USP40: variants seen among roughly 807,000 people sequenced by gnomAD.
The protein encoded by USP40 is ubiquitin specific peptidase 40.
Under a neutral mutation model 166.2 loss-of-function variants are expected in USP40, and 143 were observed. The observed-to-expected ratio is 0.86, with a 90% CI of 0.75 to 0.99. The LOEUF (loss-of-function observed/expected upper bound fraction) is 0.99, where lower values mean the gene tolerates loss of function less well. Among genes scored for constraint, USP40 ranks in the 50% least tolerant of loss-of-function variants. The probability of loss-of-function intolerance (pLI) is 0.00; values close to 1 mark genes in which losing one functional copy is unlikely to be tolerated. For synonymous variants in USP40, 498 were observed against 524.0 expected (o/e 0.95, Z 0.68); for missense variants, 1,444 against 1,479.7 (o/e 0.98, Z 0.40).
chr2:233,500,748 T>A (rs2066023771), intron 21 of USP40, among the ~76,000 whole-genome samples: 1 of 152,236 alleles, frequency 6.6e-6, no homozygotes, highest in African/African-American at 2.4e-5. Context: ...GAAACAAAGT[T>A]CTAGTATAAT....
chr2:233,535,411 C>G (rs2068863364), intron 10 of USP40, among the ~76,000 whole-genome samples: 1 of 152,170 alleles, frequency 6.6e-6, no homozygotes, highest in Non-Finnish European at 1.5e-5. Flanking sequence ...CTCACTTCAC[C>G]TTTTAAAAAG....
chr2:233,535,917 T>A (rs2068902606), intron 10 of USP40, among the ~76,000 whole-genome samples: 1 of 152,200 alleles, frequency 6.6e-6, no homozygotes, highest in South Asian at 2.1e-4. Context: ...AAAATAAGTA[T>A]TTGAGATGAT....
intron 4 of USP40, among the ~76,000 whole-genome samples, chr2:233,559,016 G>A (rs931869157): frequency 3.3e-5 from 5 of 152,114 alleles, no homozygotes; most frequent in Admixed American, 6.5e-5. Flanking sequence ...TATTCCTATC[G>A]TTTGCTCTTT....
At chr2:233,489,290 T>C in intron 27 of USP40, 75 bp downstream of exon 27, 1 of 1,350,584 alleles carries the variant, frequency 7.4e-7, no homozygotes, top group Non-Finnish European at 1.0e-6. Flanking sequence ...GAAGACTGAT[T>C]CCTCCTCCAT....
chr2:233,522,065 C>G (rs1343487241), intron 16 of USP40, among the ~76,000 whole-genome samples: 6 of 152,134 alleles, frequency 3.9e-5, no homozygotes, highest in Non-Finnish European at 7.4e-5. Flanking sequence ...ACTGACTTGC[C>G]TAGGAGCACA....
chr2:233,509,935 C>T (rs2125150151), intron 21 of USP40, 114 bp downstream of exon 21: 3 of 713,380 alleles, frequency 4.2e-6, no homozygotes, highest in Non-Finnish European at 7.2e-6. Context: ...CTCTGAAGTA[C>T]ACCATATCAG....
At chr2:233,494,956 T>TTATATTTA (rs2065627904) in intron 24 of USP40, among the ~76,000 whole-genome samples, 1 of 35,504 alleles carries the variant, frequency 2.8e-5, no homozygotes, top group South Asian at 9.5e-4. Context: ...ATATATATAT[T>TTATATTTA]TATATATATA....
intron 11 of USP40, 53 bp downstream of exon 11, chr2:233,533,426 T>G (rs1322752747): frequency 6.6e-6 from 10 of 1,525,674 alleles, no homozygotes; most frequent in Non-Finnish European, 7.9e-6. Flanking sequence ...CATTCCATGT[T>G]TATCTTCTAA....
At chr2:233,538,435 G>A (rs1045793994) in intron 10 of USP40, among the ~76,000 whole-genome samples, 2 of 151,934 alleles carry the variant, frequency 1.3e-5, no homozygotes, top group African/African-American at 4.8e-5. Context: ...ATAAACCCCA[G>A]CAATGAAAAA....
intron 8 of USP40, 94 bp from the exon 9 acceptor site, chr2:233,542,457 TC>T: frequency 1.4e-6 from 1 of 714,186 alleles, no homozygotes; most frequent in East Asian, 3.0e-5. Flanking sequence ...ACACCTGTAA[TC>T]CCAGCAATTT....
intron 11 of USP40, 95 bp from the exon 12 acceptor site, chr2:233,529,607 C>G: frequency 1.4e-6 from 1 of 739,214 alleles, no homozygotes. Context: ...GTCCTAGGAG[C>G]TAGGAAAGCT....
At chr2:233,527,845 CTTCTAA>C (rs1347716396) in intron 12 of USP40, among the ~76,000 whole-genome samples, 1 of 87,224 alleles carries the variant, frequency 1.1e-5, no homozygotes, top group East Asian at 3.9e-4. Context: ...CACTTGAAAT[CTTCTAA>C]TTCTGAGATT....
intron 30 of USP40, among the ~76,000 whole-genome samples, chr2:233,482,317 T>C (rs1226547386): frequency 6.6e-6 from 1 of 151,544 alleles, no homozygotes; most frequent in Non-Finnish European, 1.5e-5. Flanking sequence ...TGAGTCAAGA[T>C]TGCGCCACTG....
intron 10 of USP40, among the ~76,000 whole-genome samples, chr2:233,536,291 G>C (rs1292191314): frequency 6.6e-6 from 1 of 152,174 alleles, no homozygotes; most frequent in Non-Finnish European, 1.5e-5. Flanking sequence ...TAAGTGGAAA[G>C]ACTACAACTA....
At chr2:233,497,270 G>T (rs2065804856) in intron 23 of USP40, among the ~76,000 whole-genome samples, 1 of 152,194 alleles carries the variant, frequency 6.6e-6, no homozygotes, top group Non-Finnish European at 1.5e-5. Flanking sequence ...GTACCAGGAG[G>T]TCACACCGGA....
chr2:233,477,596 T>A, intron 31 of USP40, 93 bp from the exon 32 acceptor site: 1 of 1,076,284 alleles, frequency 9.3e-7, no homozygotes, highest in East Asian at 2.6e-5. Flanking sequence ...TCCAATTTTA[T>A]AGGCCACAAG....
chr2:233,513,222 A>G (rs2066951219), intron 18 of USP40, among the ~76,000 whole-genome samples: 1 of 152,164 alleles, frequency 6.6e-6, no homozygotes, highest in South Asian at 2.1e-4. Flanking sequence ...AGCTTCCAAT[A>G]TCTAGAGTCT....
At chr2:233,494,945 T>TACACATAAAAA (rs1559224221) in intron 24 of USP40, among the ~76,000 whole-genome samples, 1 of 34,196 alleles carries the variant, frequency 2.9e-5, no homozygotes, top group African/African-American at 1.7e-4. Context: ...TATATATATA[T>TACACATAAAAA]ATATATATAT....
intron 20 of USP40, among the ~76,000 whole-genome samples, chr2:233,510,559 C>T (rs1215349222): frequency 2.0e-5 from 3 of 151,804 alleles, no homozygotes; most frequent in East Asian, 3.9e-4. Flanking sequence ...CATGCCACTA[C>T]GCCTGGCTAA....
Sources: allele counts gnomAD v4.1 joint callset (sites outside exome capture counted in the v4.1 genomes callset), GRCh38; gene constraint gnomAD v4.1.1; transcripts MANE v1.5; gene names NCBI Gene and HGNC (gene_info 2026-07-23, HGNC 2026-07-21).